The following PRDM5 variants were observed in gnomAD, a reference collection of about 807,000 sequenced individuals.
PRDM5 encodes PR domain zinc finger protein 5.
A neutral mutation model predicts 81.2 loss-of-function variants in PRDM5; 56 were observed. The observed-to-expected ratio is 0.69, with a 90% CI of 0.56 to 0.86. The LOEUF is 0.86. PRDM5 is among the 40% of genes least tolerant of loss of function. The pLI is 0.00. For synonymous variants in PRDM5, 267 were observed against 256.4 expected, an observed-to-expected ratio of 1.04 and a Z score of -0.39; for missense variants, 697 against 770.1, an observed-to-expected ratio of 0.91 and a Z score of 1.12.
At chr4:120,779,869 C>T (rs568045785) in intron 12 of PRDM5, among the ~76,000 whole-genome samples, 1 of 152,144 alleles carries the variant, frequency 6.6e-6, no homozygotes, top group Non-Finnish European at 1.5e-5. Flanking sequence ...GAGATGGCAC[C>T]ACTGCACTCC....
At chr4:120,822,372 A>G (rs1755397201) in intron 3 of PRDM5, among the ~76,000 whole-genome samples, 1 of 152,256 alleles carries the variant, frequency 6.6e-6, no homozygotes, top group Admixed American at 6.5e-5. Context: ...GGACAAAGAA[A>G]GTAAGGTCCA....
At chr4:120,708,953 C>T (rs769640030) in intron 15 of PRDM5, among the ~76,000 whole-genome samples, 1 of 152,096 alleles carries the variant, frequency 6.6e-6, no homozygotes, top group Non-Finnish European at 1.5e-5. Flanking sequence ...GATCTCTACA[C>T]AGCAGATTAG....
At chr4:120,765,520 A>C (rs747009723) in intron 13 of PRDM5, among the ~76,000 whole-genome samples, 4 of 152,178 alleles carry the variant, frequency 2.6e-5, no homozygotes, top group South Asian at 4.1e-4. Context: ...GTGCTCTACT[A>C]TTTCAGCTGA....
chr4:120,894,423 G>A lies in PRDM5; in HGVS notation c.177+13051C>T, dbSNP rs376524634. Among the ~76,000 whole-genome samples, 60 of 152,168 alleles carry A rather than the reference G, an allele frequency of 3.9e-4. 1 individual carries two copies. Among genetic ancestry groups the A allele is most frequent in the African/African-American group, 1.3e-3 (53 of 41,532 alleles). ...TTCTGCATTTCCATGTTTCCATCAG[G>A]ATTCCTTTTCCTTCTCCATGAAGAG... On this transcript the variant is annotated intron_variant, in intron 2 of 15. Transcript: ENST00000264808.
intron 4 of PRDM5, among the ~76,000 whole-genome samples, chr4:120,819,755 A>G (rs553015176): frequency 6.6e-6 from 1 of 152,314 alleles, no homozygotes; most frequent in East Asian, 1.9e-4. Flanking sequence ...AAAAAATAAA[A>G]TACAAAAACA....
intron 5 of PRDM5, among the ~76,000 whole-genome samples, chr4:120,817,268 A>G (rs1393103756): frequency 2.0e-5 from 3 of 152,214 alleles, no homozygotes; most frequent in African/African-American, 7.2e-5. Flanking sequence ...CTGAACATTT[A>G]TTAAGTTTTA....
At chr4:120,831,707 A>G (rs894413180) in intron 3 of PRDM5, among the ~76,000 whole-genome samples, 3 of 152,138 alleles carry the variant, frequency 2.0e-5, no homozygotes, top group Non-Finnish European at 4.4e-5. Flanking sequence ...GTAAAACTGG[A>G]TATTGAGTGG....
At chr4:120,785,740 T>C (rs1210546926) in intron 10 of PRDM5, among the ~76,000 whole-genome samples, 1 of 152,102 alleles carries the variant, frequency 6.6e-6, no homozygotes, top group African/African-American at 2.4e-5. Context: ...TGACTCCAGT[T>C]TACAAATGAT....
intron 8 of PRDM5, among the ~76,000 whole-genome samples, chr4:120,805,657 C>T (rs1026107244): frequency 6.6e-6 from 1 of 152,168 alleles, no homozygotes; most frequent in Non-Finnish European, 1.5e-5. Flanking sequence ...AATAGCCCTT[C>T]ATGCTAAAAA....
At chr4:120,850,909 C>T (rs146431548) in intron 3 of PRDM5, among the ~76,000 whole-genome samples, 2 of 152,190 alleles carry the variant, frequency 1.3e-5, no homozygotes, top group African/African-American at 4.8e-5. Context: ...AGCGAAGTGC[C>T]TACAATATGA....
chr4:120,720,671 C>T (rs1013640031), intron 14 of PRDM5, among the ~76,000 whole-genome samples: 6 of 152,174 alleles, frequency 3.9e-5, no homozygotes, highest in Admixed American at 3.9e-4. Context: ...ACTTCTTTTA[C>T]AGATGTTTAT....
intron 14 of PRDM5, among the ~76,000 whole-genome samples, chr4:120,748,642 C>CA (rs34983420): frequency 0.1 from 14,244 of 140,668 alleles, 1,198 homozygotes; most frequent in African/African-American, 0.24. Flanking sequence ...CCCTCTCTCT[C>CA]AAAAAAAAAA....
At chr4:120,816,275 T>C (rs1159480755) in intron 7 of PRDM5, 178 bp downstream of exon 7, 1 of 961,010 alleles carries the variant, frequency 1.0e-6, no homozygotes, top group Non-Finnish European at 1.6e-6. Flanking sequence ...GCTGCTAAAT[T>C]CAACCTGAGA....
chr4:120,684,703 A>G, downstream of PRDM5, among the ~76,000 whole-genome samples: 1 of 151,976 alleles, frequency 6.6e-6, no homozygotes, highest in East Asian at 1.9e-4. Context: ...TAATTTTATA[A>G]TATTTCACTA....
chr4:120,734,768 T>G (rs1182414272), intron 14 of PRDM5, among the ~76,000 whole-genome samples: 1 of 152,186 alleles, frequency 6.6e-6, no homozygotes, highest in African/African-American at 2.4e-5. Context: ...ATTTTCTACT[T>G]CTGCAGACTA....
intron 2 of PRDM5, among the ~76,000 whole-genome samples, chr4:120,865,475 T>C (rs919926498): frequency 6.6e-6 from 1 of 152,194 alleles, no homozygotes; most frequent in Non-Finnish European, 1.5e-5. Context: ...GATAATCTGA[T>C]ATCTCCTTCC....
At chr4:120,772,186 G>C (rs1216428371) in intron 13 of PRDM5, among the ~76,000 whole-genome samples, 1 of 152,084 alleles carries the variant, frequency 6.6e-6, no homozygotes, top group Non-Finnish European at 1.5e-5. Flanking sequence ...TCTCTAGGCG[G>C]GAAAAGTTAT....
At chr4:120,734,409 C>T (rs1368713078) in intron 14 of PRDM5, among the ~76,000 whole-genome samples, 1 of 145,380 alleles carries the variant, frequency 6.9e-6, no homozygotes, top group Non-Finnish European at 1.5e-5. Flanking sequence ...CACACACACA[C>T]ACACACACAA....
chr4:120,816,691 A>G, intron 6 of PRDM5, 117 bp from the exon 7 acceptor site: 2 of 1,530,436 alleles, frequency 1.3e-6, no homozygotes, highest in Non-Finnish European at 1.8e-6. Flanking sequence ...GGGTCATTCC[A>G]TGCATTACCT....
Sources: allele counts gnomAD v4.1 joint callset (sites outside exome capture counted in the v4.1 genomes callset), GRCh38; gene constraint gnomAD v4.1.1; transcripts MANE v1.5; gene names NCBI Gene and HGNC (gene_info 2026-07-23, HGNC 2026-07-21).